SRGAP2C: variants seen among roughly 807,000 people sequenced by gnomAD.
The protein encoded by SRGAP2C is SLIT-ROBO Rho GTPase-activating protein 2C.
In SRGAP2C, 15 loss-of-function variants were observed where a neutral mutation model predicts 25.1. That is an observed-to-expected ratio of 0.60 (90% CI 0.40 to 0.92). The LOEUF (loss-of-function observed/expected upper bound fraction) is 0.92, where lower values mean the gene tolerates loss of function less well. Among genes scored for constraint, SRGAP2C ranks in the 40% least tolerant of loss-of-function variants. SRGAP2C has a pLI of 0.00. For synonymous variants in SRGAP2C, 44 were observed against 96.6 expected (o/e 0.46, Z 3.19); for missense variants, 144 against 264.4 (o/e 0.54, Z 3.16).
chr1:121,212,123 ATTTTTTTTTTTTTT>A (rs60785126), intron 2 of SRGAP2C, among the ~76,000 whole-genome samples: 4 of 61,976 alleles, frequency 6.5e-5, no homozygotes, highest in South Asian at 7.4e-4. Flanking sequence ...ATGGAGCTGT[ATTTTTTTTTTTTTT>A]TTTTTTTTTT....
At chr1:121,190,668 ATCAT>A (rs1451496586) in intron 2 of SRGAP2C, among the ~76,000 whole-genome samples, 3 of 144,426 alleles carry the variant, frequency 2.1e-5, no homozygotes, top group African/African-American at 7.7e-5. Context: ...CTAGCTTAAG[ATCAT>A]TTAGTCGTAA....
chr1:121,221,867 A>G (rs1266889047), intron 2 of SRGAP2C, among the ~76,000 whole-genome samples: 3 of 151,426 alleles, frequency 2.0e-5, no homozygotes, highest in African/African-American at 7.4e-5. Context: ...ACTCATCACT[A>G]TAGAATGGTT....
intron 2 of SRGAP2C, among the ~76,000 whole-genome samples, chr1:121,258,646 A>G (rs1329329183): frequency 6.9e-6 from 1 of 144,372 alleles, no homozygotes; most frequent in Non-Finnish European, 1.5e-5. Flanking sequence ...TTGTATTTTT[A>G]GTAGAGACGA....
chr1:121,310,742 C>T lies in SRGAP2C; in HGVS notation c.261-13736C>T, dbSNP rs1291775333. Among the ~76,000 whole-genome samples, 11 of 87,432 alleles carry T rather than the reference C, an allele frequency of 1.3e-4. 1 individual carries two copies. The highest frequency in any genetic ancestry group is 3.2e-4 in the South Asian group (1 of 3,156). The allele number at this position is 87,432 out of a possible 152,430, so 57.4% of individuals were successfully genotyped here. A position where few individuals can be genotyped will look rare whatever the true frequency, so the allele number is the denominator to read the frequency against. ...CAAAGATCAGATAGTTGTAGGTATG[C>T]GGCGTTATTTCTGAGGGCTCTGTTC... On this transcript the variant is annotated intron_variant, in intron 3 of 9. Coordinates refer to ENST00000367123, the MANE Select transcript of SRGAP2C (RefSeq NM_001329984.2).
intron 2 of SRGAP2C, among the ~76,000 whole-genome samples, chr1:121,270,553 T>A (rs1428094050): frequency 2.3e-5 from 3 of 131,312 alleles, no homozygotes; most frequent in Non-Finnish European, 4.8e-5. Flanking sequence ...TAAGCCTTTT[T>A]TTTACACACC....
At chr1:121,235,887 G>GT (rs1222600359) in intron 2 of SRGAP2C, among the ~76,000 whole-genome samples, 17 of 65,206 alleles carry the variant, frequency 2.6e-4, no homozygotes, top group African/African-American at 1.2e-3. Context: ...GTGACCAATA[G>GT]TTTTTTTTCC....
intron 2 of SRGAP2C, among the ~76,000 whole-genome samples, chr1:121,272,160 CAAAAAA>C (rs61711288): frequency 1.1e-4 from 1 of 9,196 alleles, no homozygotes; most frequent in Non-Finnish European, 1.9e-4. Context: ...GACTCCATCT[CAAAAAA>C]AAAAAAAAAA....
At chr1:121,288,854 T>G (rs1180937632) in intron 3 of SRGAP2C, among the ~76,000 whole-genome samples, 1 of 70,196 alleles carries the variant, frequency 1.4e-5, no homozygotes, top group Non-Finnish European at 2.7e-5. Context: ...ATTGGTGTAT[T>G]TACAGTCCTT....
intron 2 of SRGAP2C, among the ~76,000 whole-genome samples, chr1:121,236,040 T>C (rs1553328541): frequency 7.7e-6 from 1 of 129,182 alleles, no homozygotes; most frequent in Non-Finnish European, 1.6e-5. Flanking sequence ...GTGATCCTGT[T>C]GGACTTGGAT....
chr1:121,342,946 C>T, intron 4 of SRGAP2C, among the ~76,000 whole-genome samples: 1 of 96,268 alleles, frequency 1.0e-5, no homozygotes, highest in South Asian at 2.9e-4. Flanking sequence ...GAAAGAGTCA[C>T]AAAAACTTTA....
At chr1:121,312,067 G>T (rs1436399623) in intron 3 of SRGAP2C, among the ~76,000 whole-genome samples, 2 of 2,716 alleles carry the variant, frequency 7.4e-4, no homozygotes, top group Admixed American at 9.7e-3. Context: ...ACTCTTTTTG[G>T]TTGGTAAACT....
intron 2 of SRGAP2C, among the ~76,000 whole-genome samples, chr1:121,237,447 A>C (rs1435192414): frequency 3.9e-5 from 6 of 152,192 alleles, no homozygotes; most frequent in African/African-American, 1.2e-4. Flanking sequence ...GACTGTGCTA[A>C]CTTACACTTC....
At chr1:121,314,464 G>C (rs1414264291) in intron 3 of SRGAP2C, among the ~76,000 whole-genome samples, 1 of 152,180 alleles carries the variant, frequency 6.6e-6, no homozygotes, top group Non-Finnish European at 1.5e-5. Context: ...TTCCGTTACT[G>C]GTGAGAAACT....
At chr1:121,213,789 A>G (rs1655326254) in intron 2 of SRGAP2C, among the ~76,000 whole-genome samples, 1 of 77,212 alleles carries the variant, frequency 1.3e-5, no homozygotes, top group Admixed American at 1.2e-4. Context: ...AAGGTTTTCC[A>G]GAGGAAAGAT....
At chr1:121,368,609 C>T (rs1395918883) in intron 5 of SRGAP2C, among the ~76,000 whole-genome samples, 7 of 151,538 alleles carry the variant, frequency 4.6e-5, no homozygotes, top group Admixed American at 1.3e-4. Context: ...TAATTGGTCA[C>T]CTTGCATGGG....
chr1:121,360,206 T>TA (rs1386525547), intron 4 of SRGAP2C: 3 of 143,384 alleles, frequency 2.1e-5, no homozygotes, highest in Non-Finnish European at 3.0e-5. Flanking sequence ...TGTATTGCAA[T>TA]AAAAAATGTA....
chr1:121,370,577 G>A (rs1659458562), intron 5 of SRGAP2C, among the ~76,000 whole-genome samples: 1 of 149,014 alleles, frequency 6.7e-6, no homozygotes. Context: ...GAGTAGCTGG[G>A]ACTACAGGCA....
chr1:121,364,964 A>G, intron 4 of SRGAP2C, among the ~76,000 whole-genome samples: 1 of 28,734 alleles, frequency 3.5e-5, no homozygotes, highest in Non-Finnish European at 6.5e-5. Flanking sequence ...GACTGCAAGT[A>G]TCTGAGAAAC....
At chr1:121,217,703 C>T (rs1485411153) in intron 2 of SRGAP2C, among the ~76,000 whole-genome samples, 4 of 152,134 alleles carry the variant, frequency 2.6e-5, no homozygotes, top group South Asian at 2.1e-4. Flanking sequence ...GACTGCATCT[C>T]GATGGCAGAA....
Sources: gnomAD v4.1 joint callset for allele counts (sites outside exome capture counted in the v4.1 genomes callset) on GRCh38, gnomAD v4.1.1 for gene constraint, MANE v1.5 for transcripts, NCBI Gene and HGNC (gene_info 2026-07-23, HGNC 2026-07-21) for gene names.